The following NTM variants were observed in gnomAD, a reference collection of about 807,000 sequenced individuals.
The protein encoded by NTM is IgLON family member 2.
In NTM, 13 loss-of-function variants were observed where a neutral mutation model predicts 42.1. The observed-to-expected ratio is 0.31, with a 90% CI of 0.20 to 0.49. The LOEUF is 0.49. NTM is among the 20% of genes least tolerant of loss of function. The pLI is 0.99. For synonymous variants in NTM, 187 were observed against 179.2 expected (o/e 1.04, Z -0.35); for missense variants, 373 against 452.8 (o/e 0.82, Z 1.60).
chr11:131,762,873 G>A (rs2084445544), intron 1 of NTM, among the ~76,000 whole-genome samples: 1 of 152,178 alleles, frequency 6.6e-6, no homozygotes, highest in Admixed American at 6.5e-5. Flanking sequence ...TGCTGGCTCT[G>A]GACAGGAGCC....
At chr11:132,029,080 T>C (rs1345949482) in intron 2 of NTM, among the ~76,000 whole-genome samples, 1 of 152,016 alleles carries the variant, frequency 6.6e-6, no homozygotes, top group Non-Finnish European at 1.5e-5. Flanking sequence ...TTTTGTTTTG[T>C]TTTGTTTTTT....
At chr11:131,817,408 TACTG>T (rs1269806189) in intron 1 of NTM, among the ~76,000 whole-genome samples, 1 of 152,152 alleles carries the variant, frequency 6.6e-6, no homozygotes, top group Non-Finnish European at 1.5e-5. Flanking sequence ...TAATGGATAG[TACTG>T]ACTTTTTTTT....
chr11:131,900,667 G>A (rs966296654), intron 1 of NTM, among the ~76,000 whole-genome samples: 14 of 151,830 alleles, frequency 9.2e-5, no homozygotes, highest in South Asian at 6.2e-4. Flanking sequence ...GAGAGAGAGA[G>A]AAAGAGAGAG....
chr11:132,129,877 C>CT (rs1475688862), intron 2 of NTM, among the ~76,000 whole-genome samples: 2 of 152,160 alleles, frequency 1.3e-5, no homozygotes, highest in Non-Finnish European at 2.9e-5. Context: ...TTCTCTTCCC[C>CT]TTTTTCATCT....
intron 1 of NTM, among the ~76,000 whole-genome samples, chr11:131,741,213 T>A (rs867364128): frequency 8.8e-5 from 13 of 148,300 alleles, no homozygotes; most frequent in African/African-American, 3.3e-4. Flanking sequence ...GAGAGATGTT[T>A]TTTGGAGCCT....
chr11:131,470,956 A>G (rs1352234044), intron 1 of NTM, among the ~76,000 whole-genome samples: 1 of 152,202 alleles, frequency 6.6e-6, no homozygotes, highest in African/African-American at 2.4e-5. Flanking sequence ...CGCCGAGTAG[A>G]AATTTCATCT....
chr11:132,005,155 A>G (rs867272827), intron 2 of NTM, among the ~76,000 whole-genome samples: 3 of 152,144 alleles, frequency 2.0e-5, no homozygotes, highest in Admixed American at 1.3e-4. Flanking sequence ...GTCTAAAAAA[A>G]TATCACTCTC....
chr11:132,306,682 C>A (rs1054033803), intron 4 of NTM, among the ~76,000 whole-genome samples: 4 of 152,184 alleles, frequency 2.6e-5, no homozygotes, highest in East Asian at 3.8e-4. Flanking sequence ...ATTACTAGCA[C>A]CTCATTTCCT....
intron 4 of NTM, among the ~76,000 whole-genome samples, chr11:132,257,188 C>A (rs1020981685): frequency 6.6e-6 from 1 of 152,162 alleles, no homozygotes; most frequent in Non-Finnish European, 1.5e-5. Context: ...CTGCAAGGGG[C>A]CATGAGAAAT....
At chr11:131,710,664 G>T (rs553985862) in intron 1 of NTM, among the ~76,000 whole-genome samples, 1 of 152,234 alleles carries the variant, frequency 6.6e-6, no homozygotes, top group African/African-American at 2.4e-5. Context: ...TAAAAAAAAT[G>T]CAGACTCTCT....
chr11:132,116,168 G>T (rs1469167057), intron 2 of NTM, among the ~76,000 whole-genome samples: 2 of 152,178 alleles, frequency 1.3e-5, no homozygotes, highest in African/African-American at 4.8e-5. Flanking sequence ...CCAGGAGAGG[G>T]TGAGGCAACC....
At chr11:132,057,305 A>G (rs2079856366) in intron 2 of NTM, among the ~76,000 whole-genome samples, 1 of 152,090 alleles carries the variant, frequency 6.6e-6, no homozygotes, top group Non-Finnish European at 1.5e-5. Context: ...CTAGAAATGC[A>G]GATATAAATC....
At chr11:131,954,372 G>A (rs897442852) in intron 2 of NTM, among the ~76,000 whole-genome samples, 4 of 152,204 alleles carry the variant, frequency 2.6e-5, no homozygotes, top group Non-Finnish European at 4.4e-5. Flanking sequence ...ACAGCAGTGA[G>A]GCTGCAGGCC....
At chr11:132,152,059 A>G (rs766875397) in intron 3 of NTM, among the ~76,000 whole-genome samples, 1 of 152,258 alleles carries the variant, frequency 6.6e-6, no homozygotes, top group Non-Finnish European at 1.5e-5. Flanking sequence ...GAACAGGAAC[A>G]ATAACTTTTA....
Position 132,314,997 on chromosome 11 carries a change from A to AAAGAATGTTCATGTTTCATTCTAT in NTM, c.934+297_934+320dup, listed in dbSNP as rs543158187. The stretch of plus-strand genomic sequence containing the variant: ...TCAGAAGTGGGAAAAGGAAAATGAA[A>AAAGAATGTTCATGTTTCATTCTAT]AAGAATGTTCATGTTTCATTCTATA... On this transcript the variant is annotated intron_variant, in intron 7 of 8. Transcript: ENST00000683400. 29 of 1,166,756 alleles carry AAAGAATGTTCATGTTTCATTCTAT rather than the reference A, an allele frequency of 2.5e-5. No homozygotes were observed. The South Asian group carries it at 1.0e-3, about 42-fold the overall frequency. 72.3% of individuals were successfully genotyped at this position (1,166,756 alleles called of 1,614,324 possible).
intron 2 of NTM, among the ~76,000 whole-genome samples, chr11:131,924,504 C>T (rs1056998556): frequency 9.2e-5 from 14 of 152,132 alleles, no homozygotes; most frequent in African/African-American, 3.1e-4. Context: ...TAGAGGTGAC[C>T]ATGTGACAGC....
At chr11:131,958,963 A>G (rs2061841133) in intron 2 of NTM, among the ~76,000 whole-genome samples, 1 of 152,220 alleles carries the variant, frequency 6.6e-6, no homozygotes, top group Non-Finnish European at 1.5e-5. Flanking sequence ...ACAAGTCCAC[A>G]TGCCACTGTT....
At chr11:132,142,204 T>A (rs1250222390) in intron 2 of NTM, among the ~76,000 whole-genome samples, 1 of 152,234 alleles carries the variant, frequency 6.6e-6, no homozygotes, top group Non-Finnish European at 1.5e-5. Context: ...CTTGTTGGCC[T>A]ATGTTACATT....
intron 2 of NTM, among the ~76,000 whole-genome samples, chr11:132,139,864 G>T (rs763182832): frequency 6.6e-6 from 1 of 152,128 alleles, no homozygotes; most frequent in Non-Finnish European, 1.5e-5. Flanking sequence ...TGCCTACGTT[G>T]TACTCTACAC....
Sources: allele counts gnomAD v4.1 joint callset (sites outside exome capture counted in the v4.1 genomes callset), GRCh38; gene constraint gnomAD v4.1.1; transcripts MANE v1.5; gene names NCBI Gene and HGNC (gene_info 2026-07-23, HGNC 2026-07-21).